Variants in GRM8 observed in about 807,000 individuals in gnomAD.
The protein encoded by GRM8 is glutamate metabotropic receptor 8, also known as metabotropic glutamate receptor 8.
GRM8 carries 47 observed loss-of-function variants against 87.2 expected under a neutral mutation model. The observed-to-expected ratio is 0.54, with a 90% CI of 0.43 to 0.69. The LOEUF is 0.69. Among genes scored for constraint, GRM8 ranks in the 30% least tolerant of loss-of-function variants. The pLI, the probability that GRM8 is intolerant of heterozygous loss-of-function variation, is 0.00. For synonymous variants in GRM8, 396 were observed against 404.5 expected (o/e 0.98, Z 0.25); for missense variants, 1,019 against 1,139.2 (o/e 0.89, Z 1.52).
chr7:126,452,884 GA>G (rs1802789157), intron 9 of GRM8, among the ~76,000 whole-genome samples: 1 of 151,732 alleles, frequency 6.6e-6, no homozygotes. Flanking sequence ...AGGATTTAGT[GA>G]GACAACATAT....
At chr7:126,974,030 G>C (rs909842696) in intron 3 of GRM8, among the ~76,000 whole-genome samples, 5 of 152,218 alleles carry the variant, frequency 3.3e-5, no homozygotes, top group African/African-American at 1.2e-4. Context: ...ACCTGAGATA[G>C]TGGCAACACT....
intron 3 of GRM8, among the ~76,000 whole-genome samples, chr7:127,093,389 G>A (rs968010464): frequency 3.9e-5 from 6 of 152,108 alleles, no homozygotes; most frequent in East Asian, 1.9e-4. Flanking sequence ...TCCATCTATC[G>A]CAGAGTTTCC....
intron 9 of GRM8, among the ~76,000 whole-genome samples, chr7:126,450,901 C>T (rs925385104): frequency 3.3e-5 from 5 of 151,802 alleles, no homozygotes; most frequent in Non-Finnish European, 5.9e-5. Context: ...GTCTCTTACT[C>T]GCTTGCTGAT....
intron 7 of GRM8, among the ~76,000 whole-genome samples, chr7:126,662,363 T>G (rs1398370168): frequency 6.6e-6 from 1 of 152,112 alleles, no homozygotes; most frequent in Admixed American, 6.6e-5. Context: ...AAAGGAACAT[T>G]AGCTTTAATC....
intron 3 of GRM8, among the ~76,000 whole-genome samples, chr7:127,023,820 G>A (rs368559536): frequency 7.2e-5 from 11 of 152,116 alleles, no homozygotes; most frequent in African/African-American, 2.6e-4. Context: ...ATTAAAGTGA[G>A]GCCCTCCATA....
At chr7:126,945,047 A>G (rs1188388078) in intron 3 of GRM8, among the ~76,000 whole-genome samples, 2 of 152,192 alleles carry the variant, frequency 1.3e-5, no homozygotes, top group Non-Finnish European at 2.9e-5. Flanking sequence ...TTTGGGGAAG[A>G]GAATGAAAAT....
chr7:126,903,697 ATATATATATGTATATGTG>A (rs1802365875), intron 5 of GRM8, among the ~76,000 whole-genome samples: 1 of 141,616 alleles, frequency 7.1e-6, no homozygotes, highest in South Asian at 2.2e-4. Flanking sequence ...GTATATGTGT[ATATATATATGTATATGTG>A]TATATATATA....
intron 3 of GRM8, among the ~76,000 whole-genome samples, chr7:127,060,811 C>A (rs1489585558): frequency 7.4e-5 from 11 of 149,480 alleles, no homozygotes; most frequent in South Asian, 2.1e-4. Flanking sequence ...ATGCATGTAG[C>A]AAAAAAAAAA....
chr7:127,055,746 A>T (rs1202263842), intron 3 of GRM8, among the ~76,000 whole-genome samples: 1 of 152,076 alleles, frequency 6.6e-6, no homozygotes, highest in African/African-American at 2.4e-5. Flanking sequence ...ATTAGCTCAG[A>T]TTCTACTGTT....
At chr7:126,593,547 A>C (rs543395870) in intron 8 of GRM8, among the ~76,000 whole-genome samples, 1 of 152,154 alleles carries the variant, frequency 6.6e-6, no homozygotes, top group South Asian at 2.1e-4. Context: ...GATATCTACC[A>C]TGCAGAAGAA....
At chr7:127,034,797 G>T (rs918016202) in intron 3 of GRM8, among the ~76,000 whole-genome samples, 4 of 152,002 alleles carry the variant, frequency 2.6e-5, no homozygotes, top group African/African-American at 7.2e-5. Flanking sequence ...GACAAAATTG[G>T]TTTTTTGGAA....
chr7:126,926,164 G>A (rs569489977), intron 3 of GRM8, among the ~76,000 whole-genome samples: 30 of 152,088 alleles, frequency 2.0e-4, no homozygotes, highest in East Asian at 3.9e-4. Flanking sequence ...AATGTTACCC[G>A]TATTATATTT....
intron 8 of GRM8, among the ~76,000 whole-genome samples, chr7:126,557,031 A>C (rs1211860797): frequency 6.6e-6 from 1 of 152,214 alleles, no homozygotes; most frequent in Non-Finnish European, 1.5e-5. Flanking sequence ...AAAAGATAAG[A>C]TAGAGCCCTA....
chr7:126,727,739 A>C (rs370249792), intron 7 of GRM8, among the ~76,000 whole-genome samples: 109 of 145,610 alleles, frequency 7.5e-4, no homozygotes, highest in Middle Eastern at 7.0e-3. Context: ...ACACACACAC[A>C]CCCCTAAAAA....
At chr7:126,613,105 A>C (rs1013964427) in intron 7 of GRM8, among the ~76,000 whole-genome samples, 1 of 152,190 alleles carries the variant, frequency 6.6e-6, no homozygotes, top group African/African-American at 2.4e-5. Context: ...ATTCCATTAC[A>C]TATTGACTCA....
chr7:126,517,767 G>T (rs999999219), intron 9 of GRM8, among the ~76,000 whole-genome samples: 1 of 151,956 alleles, frequency 6.6e-6, no homozygotes, highest in Non-Finnish European at 1.5e-5. Context: ...TTAAGATTCT[G>T]GAGAAAAGCA....
chr7:126,568,596 T>A (rs575214650), intron 8 of GRM8, among the ~76,000 whole-genome samples: 19 of 152,248 alleles, frequency 1.2e-4, no homozygotes, highest in Admixed American at 9.2e-4. Context: ...GACTTTGAAG[T>A]AAATGATTAT....
At chr7:127,039,149 C>A (rs1368082322) in intron 3 of GRM8, among the ~76,000 whole-genome samples, 7 of 152,136 alleles carry the variant, frequency 4.6e-5, no homozygotes, top group Non-Finnish European at 8.8e-5. Context: ...TTATGGGATG[C>A]ACTAAACATT....
chr7:126,589,762 C>T (rs1796502560), intron 8 of GRM8, among the ~76,000 whole-genome samples: 1 of 152,112 alleles, frequency 6.6e-6, no homozygotes, highest in African/African-American at 2.4e-5. Context: ...GCAGGTGCTG[C>T]TATCCATGAC....
Sources: gnomAD v4.1 joint callset for allele counts (sites outside exome capture counted in the v4.1 genomes callset) on GRCh38, gnomAD v4.1.1 for gene constraint, MANE v1.5 for transcripts, NCBI Gene and HGNC (gene_info 2026-07-23, HGNC 2026-07-21) for gene names.